COL25A1: variants seen among roughly 807,000 people sequenced by gnomAD.
COL25A1 encodes collagen type XXV alpha 1 chain.
In COL25A1, 103 loss-of-function variants were observed where a neutral mutation model predicts 128.4. The observed-to-expected ratio is 0.80, with a 90% CI of 0.68 to 0.94. COL25A1 has a LOEUF of 0.94. COL25A1 is among the 40% of genes least tolerant of loss of function. The probability of loss-of-function intolerance (pLI) is 0.00; values close to 1 mark genes in which losing one functional copy is unlikely to be tolerated. For synonymous variants in COL25A1, 279 were observed against 277.2 expected, an observed-to-expected ratio of 1.01 and a Z score of -0.06; for missense variants, 745 against 840.0, an observed-to-expected ratio of 0.89 and a Z score of 1.40.
chr4:109,126,152 C>G (rs3113731), intron 3 of COL25A1, among the ~76,000 whole-genome samples: 66,946 of 151,838 alleles, frequency 0.44, 17,039 homozygotes, highest in African/African-American at 0.71. Flanking sequence ...TTTAAATCCC[C>G]AATGTTTTTC....
chr4:109,193,242 A>G (rs1033982482), intron 3 of COL25A1, among the ~76,000 whole-genome samples: 5 of 152,186 alleles, frequency 3.3e-5, no homozygotes, highest in African/African-American at 1.2e-4. Context: ...TGTCATAAAC[A>G]GTAGCAATTC....
intron 6 of COL25A1, among the ~76,000 whole-genome samples, chr4:109,006,905 G>A (rs1187244022): frequency 6.6e-6 from 1 of 152,096 alleles, no homozygotes; most frequent in Non-Finnish European, 1.5e-5. Context: ...TTGGGCACCT[G>A]TGGGGGCTTG....
intron 3 of COL25A1, among the ~76,000 whole-genome samples, chr4:109,174,152 A>G (rs1260433302): frequency 6.6e-6 from 1 of 152,234 alleles, no homozygotes; most frequent in Non-Finnish European, 1.5e-5. Context: ...TATCACCTTC[A>G]GAATCTCTGA....
chr4:109,151,726 C>T (rs1771522351), intron 3 of COL25A1, among the ~76,000 whole-genome samples: 3 of 152,118 alleles, frequency 2.0e-5, no homozygotes, highest in Admixed American at 6.5e-5. Flanking sequence ...GCTATAAAAA[C>T]AGTCTTCCAT....
intron 3 of COL25A1, among the ~76,000 whole-genome samples, chr4:109,203,269 C>G (rs7669054): frequency 0.032 from 4,879 of 152,100 alleles, 270 homozygotes; most frequent in African/African-American, 0.11. Context: ...ACGAGCCATG[C>G]CTTCAAATTT....
chr4:109,185,833 G>A (rs1775082040), intron 3 of COL25A1, among the ~76,000 whole-genome samples: 1 of 151,910 alleles, frequency 6.6e-6, no homozygotes, highest in Non-Finnish European at 1.5e-5. Context: ...TCCATCACCA[G>A]AGCACACAGC....
chr4:109,208,244 G>A (rs901662712), intron 3 of COL25A1, among the ~76,000 whole-genome samples: 2 of 152,060 alleles, frequency 1.3e-5, no homozygotes, highest in Admixed American at 1.3e-4. Context: ...TTCCATCTAC[G>A]AGGTAGCTCT....
At chr4:109,077,210 C>T (rs1377942248) in intron 3 of COL25A1, among the ~76,000 whole-genome samples, 1 of 152,056 alleles carries the variant, frequency 6.6e-6, no homozygotes, top group African/African-American at 2.4e-5. Flanking sequence ...TAAAGTCATA[C>T]AAAGGAAAAT....
Position 109,030,349 on chromosome 4 carries a change from T to C in COL25A1, c.420+17819A>G, listed in dbSNP as rs115127670. Among the ~76,000 whole-genome samples the C allele has an allele frequency of 2.0e-3, 306 of 152,202 alleles. 2 individuals are homozygous for C. The highest frequency in any genetic ancestry group is 7.2e-3 in the African/African-American group (297 of 41,528). ...CATCATTCCCATCCTACACCCACCATTGGGCACACTTTGGCTCAGCACTGG... is the reference window on the plus strand; with the variant it reads ...CATCATTCCCATCCTACACCCACCACTGGGCACACTTTGGCTCAGCACTGG... On this transcript the variant is annotated intron_variant, in intron 5 of 37. Coordinates refer to ENST00000399132, the MANE Select transcript of COL25A1 (RefSeq NM_198721.4).
intron 3 of COL25A1, among the ~76,000 whole-genome samples, chr4:109,128,834 T>C (rs921710274): frequency 1.8e-4 from 27 of 152,300 alleles, no homozygotes; most frequent in African/African-American, 6.0e-4. Context: ...GTATCTAAGG[T>C]TCCTTCTGGC....
chr4:108,947,946 T>A (rs1748969082), intron 8 of COL25A1, among the ~76,000 whole-genome samples: 1 of 152,170 alleles, frequency 6.6e-6, no homozygotes, highest in Non-Finnish European at 1.5e-5. Context: ...AAATGAAATC[T>A]CCAAGTCTCT....
At chr4:108,868,918 A>G (rs1039607563) in intron 20 of COL25A1, among the ~76,000 whole-genome samples, 170 bp downstream of exon 20, 8 of 148,630 alleles carry the variant, frequency 5.4e-5, no homozygotes, top group Admixed American at 5.4e-4. Context: ...AGAAAGAAAG[A>G]GAAAGAAAAG....
chr4:108,836,449 A>C (rs1006805306), intron 31 of COL25A1, among the ~76,000 whole-genome samples: 4 of 152,150 alleles, frequency 2.6e-5, no homozygotes, highest in African/African-American at 9.7e-5. Context: ...ATAATCCCAG[A>C]GCTTTTAGAG....
intron 3 of COL25A1, among the ~76,000 whole-genome samples, chr4:109,276,411 CAA>C (rs201350321): frequency 1.4e-3 from 132 of 93,332 alleles, no homozygotes; most frequent in Middle Eastern, 6.0e-3. Flanking sequence ...GACTCTGTCT[CAA>C]AAAAAAAAAA....
At chr4:108,907,020 G>A (rs866762203) in intron 13 of COL25A1, among the ~76,000 whole-genome samples, 2 of 152,160 alleles carry the variant, frequency 1.3e-5, no homozygotes, top group African/African-American at 2.4e-5. Flanking sequence ...CTCAGGAACC[G>A]CAAGGCAGCT....
At chr4:108,831,685 G>C (rs75159440) in intron 32 of COL25A1, among the ~76,000 whole-genome samples, 3 of 85,000 alleles carry the variant, frequency 3.5e-5, no homozygotes, top group African/African-American at 1.5e-4. Context: ...AGAGAGAGAG[G>C]GGGAGAGAGA....
chr4:109,079,336 G>C (rs1991218), intron 3 of COL25A1, among the ~76,000 whole-genome samples: 35,193 of 152,060 alleles, frequency 0.23, 5,242 homozygotes, highest in African/African-American at 0.4. Context: ...AATCAATCCA[G>C]TTTAACTGTG....
chr4:109,009,160 A>G (rs1190955478), intron 6 of COL25A1, among the ~76,000 whole-genome samples: 1 of 152,108 alleles, frequency 6.6e-6, no homozygotes, highest in East Asian at 1.9e-4. Context: ...AACAAAAGAA[A>G]CTATGCGAAG....
chr4:109,243,075 T>G (rs552592576), intron 3 of COL25A1, among the ~76,000 whole-genome samples: 1 of 152,278 alleles, frequency 6.6e-6, no homozygotes, highest in East Asian at 1.9e-4. Flanking sequence ...TTTTATAAAA[T>G]TTTTGAAAAG....
Sources: allele counts gnomAD v4.1 joint callset (sites outside exome capture counted in the v4.1 genomes callset), GRCh38; gene constraint gnomAD v4.1.1; transcripts MANE v1.5; gene names NCBI Gene and HGNC (gene_info 2026-07-23, HGNC 2026-07-21).